HCN1: variants seen among roughly 807,000 people sequenced by gnomAD.
HCN1 encodes the protein potassium/sodium hyperpolarization-activated cyclic nucleotide-gated channel 1.
In HCN1, 13 loss-of-function variants were observed where a neutral mutation model predicts 78.9. That is an observed-to-expected ratio of 0.16 (90% CI 0.11 to 0.26). The LOEUF is 0.26. Ranked by LOEUF, HCN1 falls within the 10% of genes least tolerant of loss-of-function variation. The probability of loss-of-function intolerance (pLI) is 1.00; values close to 1 mark genes in which losing one functional copy is unlikely to be tolerated. For synonymous variants in HCN1, 552 were observed against 455.5 expected, an observed-to-expected ratio of 1.21 and a Z score of -2.70; for missense variants, 810 against 1,154.3, an observed-to-expected ratio of 0.70 and a Z score of 4.32.
intron 2 of HCN1, among the ~76,000 whole-genome samples, chr5:45,544,735 A>G (rs1003333279): frequency 6.6e-6 from 1 of 152,036 alleles, no homozygotes; most frequent in African/African-American, 2.4e-5. Flanking sequence ...TTTGCTCAGA[A>G]TGATGGTTTC....
At chr5:45,601,928 TG>T (rs1188776293) in intron 2 of HCN1, among the ~76,000 whole-genome samples, 2 of 152,074 alleles carry the variant, frequency 1.3e-5, no homozygotes, top group African/African-American at 4.8e-5. Flanking sequence ...CCCAGTGTTG[TG>T]GGAGAGACCA....
chr5:45,405,823 T>C (rs529560443), intron 3 of HCN1, among the ~76,000 whole-genome samples: 20 of 152,220 alleles, frequency 1.3e-4, no homozygotes, highest in Non-Finnish European at 2.5e-4. Context: ...ATAGAAGTAT[T>C]GCATAACTAA....
intron 5 of HCN1, among the ~76,000 whole-genome samples, chr5:45,307,913 T>A (rs1745769645): frequency 6.6e-6 from 1 of 152,150 alleles, no homozygotes; most frequent in African/African-American, 2.4e-5. Context: ...ATGGGAATTC[T>A]CCATACTATT....
intron 2 of HCN1, among the ~76,000 whole-genome samples, chr5:45,595,785 T>C (rs554739487): frequency 1.3e-5 from 2 of 152,068 alleles, no homozygotes; most frequent in Admixed American, 1.3e-4. Flanking sequence ...TGTCTCAGTA[T>C]CTTGTGGATG....
At chr5:45,308,036 A>G (rs1745771654) in intron 5 of HCN1, among the ~76,000 whole-genome samples, 1 of 151,898 alleles carries the variant, frequency 6.6e-6, no homozygotes. Context: ...GTCATGGGGG[A>G]GAAGAACCCA....
In HCN1 at chr5:45,342,806, T is replaced by C. The variant is rs1023387055; in HGVS notation, c.1377+10294A>G. Among the ~76,000 whole-genome samples, 4 of 152,188 alleles carry C rather than the reference T, an allele frequency of 2.6e-5. No homozygotes were observed. In the East Asian group the frequency reaches 7.7e-4, roughly 29 times the overall value. On this transcript the variant is annotated intron_variant, in intron 5 of 7. Coordinates refer to ENST00000303230, the MANE Select transcript of HCN1 (RefSeq NM_021072.4). ...ATACAAATACTTGTTTTTAAACTTA[T>C]AGTAAACATACTAGGAATTTTAACA...
At chr5:45,350,807 C>A (rs1746880382) in intron 5 of HCN1, among the ~76,000 whole-genome samples, 1 of 152,050 alleles carries the variant, frequency 6.6e-6, no homozygotes, top group African/African-American at 2.4e-5. Context: ...ACCTGGGAAT[C>A]CAACTTACAA....
intron 2 of HCN1, among the ~76,000 whole-genome samples, chr5:45,489,471 G>C (rs1741836021): frequency 6.6e-6 from 1 of 152,100 alleles, no homozygotes; most frequent in Non-Finnish European, 1.5e-5. Context: ...AGCTTGAAAA[G>C]TACACAAGAA....
At chr5:45,275,221 C>T (rs933757363) in intron 6 of HCN1, among the ~76,000 whole-genome samples, 20 of 147,530 alleles carry the variant, frequency 1.4e-4, no homozygotes, top group African/African-American at 4.5e-4. Flanking sequence ...ACTACAGCCT[C>T]GGTGATGGAG....
chr5:45,663,795 A>G (rs1745973369), intron 1 of HCN1, among the ~76,000 whole-genome samples: 1 of 150,898 alleles, frequency 6.6e-6, no homozygotes, highest in South Asian at 2.1e-4. Context: ...AATCATTAAA[A>G]AGTCAGGAAA....
intron 6 of HCN1, among the ~76,000 whole-genome samples, chr5:45,289,891 C>G (rs998468100): frequency 2.0e-5 from 3 of 151,944 alleles, no homozygotes; most frequent in Non-Finnish European, 4.4e-5. Context: ...ATACTGCCTT[C>G]TTTGTATTCT....
chr5:45,695,855 C>T lies in HCN1; in HGVS notation c.239G>A (p.Gly80Asp), dbSNP rs1252720341. Reference protein sequence around the residue: ...GGGGGEEPAGGFEDAEGPRRQ... With the variant: ...GGGGGEEPAGDFEDAEGPRRQ... ...CCGGGGCCCCTCGGCGTCTTCGAAG[C>T]CCCCCGCCGGCTCCTCGCCGCCGCC... is the stretch of plus-strand genomic sequence containing the variant. The change falls in exon 1 of 8, where the codon GGC (glycine) becomes GAC (aspartate). Residue 80 changes from glycine to aspartate, a missense_variant. Transcript: ENST00000303230. 3.8e-6 allele frequency: 6 copies of T among 1,591,732 alleles called. No homozygotes were observed. The highest frequency in any genetic ancestry group is 2.2e-5 in the South Asian group (2 of 89,588).
intron 5 of HCN1, among the ~76,000 whole-genome samples, chr5:45,342,281 A>AT (rs1746599405): frequency 6.6e-6 from 1 of 150,708 alleles, no homozygotes; most frequent in South Asian, 2.1e-4. Context: ...TCACTGAGGC[A>AT]GCAGTGCAGT....
At chr5:45,456,071 T>A (rs1003768678) in intron 3 of HCN1, among the ~76,000 whole-genome samples, 1 of 151,996 alleles carries the variant, frequency 6.6e-6, no homozygotes, top group African/African-American at 2.4e-5. Context: ...TATATCAGTT[T>A]TTTTCTCTGA....
chr5:45,444,352 G>T (rs996227715), intron 3 of HCN1, among the ~76,000 whole-genome samples: 1 of 152,066 alleles, frequency 6.6e-6, no homozygotes, highest in Non-Finnish European at 1.5e-5. Flanking sequence ...ACATTTCAAA[G>T]AAGTATCTAC....
At chr5:45,680,624 T>C (rs922351952) in intron 1 of HCN1, among the ~76,000 whole-genome samples, 4 of 152,238 alleles carry the variant, frequency 2.6e-5, no homozygotes, top group Admixed American at 6.6e-5. Flanking sequence ...TAGAGTTTTG[T>C]TGGAAATACA....
intron 1 of HCN1, among the ~76,000 whole-genome samples, chr5:45,677,462 G>A (rs1739590586): frequency 6.6e-6 from 1 of 151,698 alleles, no homozygotes; most frequent in African/African-American, 2.4e-5. Flanking sequence ...ACAATCCAAA[G>A]AGAAAAGAAA....
intron 4 of HCN1, among the ~76,000 whole-genome samples, chr5:45,390,887 T>C (rs1739541698): frequency 6.6e-6 from 1 of 152,152 alleles, no homozygotes; most frequent in Admixed American, 6.6e-5. Context: ...GGAGCCTGAT[T>C]TGCTAGCAAC....
At chr5:45,511,004 T>G (rs1030416419) in intron 2 of HCN1, among the ~76,000 whole-genome samples, 2 of 151,752 alleles carry the variant, frequency 1.3e-5, no homozygotes, top group Admixed American at 1.3e-4. Context: ...AATTTCATCA[T>G]GTAGGTAATA....
Sources: allele counts gnomAD v4.1 joint callset (sites outside exome capture counted in the v4.1 genomes callset), GRCh38; gene constraint gnomAD v4.1.1; transcripts MANE v1.5; gene names NCBI Gene and HGNC (gene_info 2026-07-23, HGNC 2026-07-21).